The following CSMD1 variants were observed in gnomAD, a reference collection of about 807,000 sequenced individuals.
CSMD1 encodes the protein CUB and sushi domain-containing protein 1.
Under a neutral mutation model 417.5 loss-of-function variants are expected in CSMD1, and 213 were observed. The ratio of observed to expected loss-of-function variants is 0.51; its 90% CI spans 0.46 to 0.57. The LOEUF (loss-of-function observed/expected upper bound fraction) is 0.57, where lower values mean the gene tolerates loss of function less well. Among genes scored for constraint, CSMD1 ranks in the 20% least tolerant of loss-of-function variants. The pLI, the probability that CSMD1 is intolerant of heterozygous loss-of-function variation, is 0.00. For missense variants in CSMD1, 6,923 were observed against 4,529.7 expected (o/e 1.53, Z -15.17); for synonymous variants, 2,862 against 1,736.8 (o/e 1.65, Z -16.11).
At position 4,142,735 on chromosome 8, in the gene CSMD1, T is replaced by C. The variant is rs118085876; in HGVS notation, c.416-110636A>G. Reference sequence around the variant, plus strand: ...CCTAGAGGCCAGACCTGACACAACGTGAGATTACATTGAACTTGCCAATCA... The same window carrying C: ...CCTAGAGGCCAGACCTGACACAACGCGAGATTACATTGAACTTGCCAATCA... On this transcript the variant is annotated intron_variant, in intron 3 of 69. Coordinates refer to ENST00000635120, the MANE Select transcript of CSMD1 (RefSeq NM_033225.6). Among the ~76,000 whole-genome samples the C allele has an allele frequency of 2.0e-5, 3 of 151,052 alleles. 1 individual carries two copies. The highest frequency in any genetic ancestry group is 7.4e-5 in the African/African-American group (3 of 40,408).
chr8:3,428,489 T>C (rs558156457), intron 12 of CSMD1, among the ~76,000 whole-genome samples: 4 of 152,192 alleles, frequency 2.6e-5, no homozygotes, highest in African/African-American at 9.6e-5. Flanking sequence ...CCAAAGAAGG[T>C]ATTCAAATAA....
intron 5 of CSMD1, among the ~76,000 whole-genome samples, chr8:3,780,680 G>C (rs538214016): frequency 6.6e-6 from 1 of 152,322 alleles, no homozygotes; most frequent in Admixed American, 6.5e-5. Context: ...AACCGCTTCA[G>C]TTGTCGGCAG....
At chr8:4,377,188 A>G (rs1018078788) in intron 3 of CSMD1, among the ~76,000 whole-genome samples, 1 of 152,172 alleles carries the variant, frequency 6.6e-6, no homozygotes, top group African/African-American at 2.4e-5. Flanking sequence ...AATTGATTAC[A>G]CATCTTTTGG....
intron 12 of CSMD1, among the ~76,000 whole-genome samples, chr8:3,440,825 C>T (rs916939929): frequency 3.3e-5 from 5 of 152,196 alleles, no homozygotes; most frequent in Admixed American, 6.5e-5. Context: ...AAACTGAGGA[C>T]GACCCATTTC....
At chr8:4,321,356 TG>T (rs1211037127) in intron 3 of CSMD1, among the ~76,000 whole-genome samples, 1 of 152,044 alleles carries the variant, frequency 6.6e-6, no homozygotes, top group East Asian at 1.9e-4. Flanking sequence ...TCTCCCGCGC[TG>T]GCAGTTAAAG....
intron 3 of CSMD1, among the ~76,000 whole-genome samples, chr8:4,060,683 C>T (rs915490468): frequency 1.3e-5 from 2 of 151,994 alleles, no homozygotes; most frequent in African/African-American, 4.8e-5. Flanking sequence ...ATAGATAAGG[C>T]CTGAGAAATG....
chr8:3,194,248 G>C (rs1796577074), intron 33 of CSMD1, among the ~76,000 whole-genome samples: 1 of 151,978 alleles, frequency 6.6e-6, no homozygotes, highest in African/African-American at 2.4e-5. Flanking sequence ...CCTCTAAAAA[G>C]AAGAAGAAAC....
chr8:4,214,367 G>C lies in CSMD1; in HGVS notation c.416-182268C>G, dbSNP rs1800504851. 2.0e-5 allele frequency among the ~76,000 whole-genome samples: 3 copies of C among 152,152 alleles called. 1 individual carries two copies. The South Asian group carries it at 6.2e-4, about 31-fold the overall frequency. On this transcript the variant is annotated intron_variant, in intron 3 of 69. Transcript: ENST00000635120. ...GGCTGGAGTGCAGTGGTGCGATCTT[G>C]GCTCACTGCAACCTCTGCCTCCTGG...
At chr8:3,178,169 T>C (rs569619019) in intron 37 of CSMD1, among the ~76,000 whole-genome samples, 1 of 152,294 alleles carries the variant, frequency 6.6e-6, no homozygotes, top group African/African-American at 2.4e-5. Flanking sequence ...GGAACTGCTT[T>C]TGCTACCATT....
intron 1 of CSMD1, among the ~76,000 whole-genome samples, chr8:4,906,136 A>C (rs1238669889): frequency 6.6e-6 from 1 of 152,176 alleles, no homozygotes; most frequent in Non-Finnish European, 1.5e-5. Flanking sequence ...TCTAGATGCT[A>C]CCTGCACTCT....
chr8:4,125,824 T>C (rs939585028), intron 3 of CSMD1, among the ~76,000 whole-genome samples: 1 of 152,080 alleles, frequency 6.6e-6, no homozygotes, highest in Non-Finnish European at 1.5e-5. Context: ...AAGACCCCCA[T>C]CTTACCTGGT....
chr8:4,277,999 G>T (rs1035931542), intron 3 of CSMD1, among the ~76,000 whole-genome samples: 1 of 152,008 alleles, frequency 6.6e-6, no homozygotes, highest in East Asian at 1.9e-4. Context: ...TCGCCGCCTT[G>T]CCCTCCCAAA....
chr8:4,359,747 T>C (rs990430412), intron 3 of CSMD1, among the ~76,000 whole-genome samples: 13 of 152,180 alleles, frequency 8.5e-5, no homozygotes, highest in African/African-American at 3.1e-4. Flanking sequence ...CACTTCTACA[T>C]TCATTCCAAG....
chr8:3,944,268 C>G, intron 5 of CSMD1, among the ~76,000 whole-genome samples: 1 of 152,042 alleles, frequency 6.6e-6, no homozygotes, highest in Admixed American at 6.6e-5. Context: ...AAAGAGAGAG[C>G]AAAGTAGAGA....
chr8:4,004,155 T>C (rs889880047), intron 4 of CSMD1, among the ~76,000 whole-genome samples: 5 of 152,058 alleles, frequency 3.3e-5, no homozygotes, highest in African/African-American at 9.7e-5. Flanking sequence ...CTAAGAAATA[T>C]AAACATTTTA....
intron 26 of CSMD1, among the ~76,000 whole-genome samples, chr8:3,235,967 G>T (rs1799130721): frequency 7.6e-6 from 1 of 132,136 alleles, no homozygotes; most frequent in African/African-American, 2.8e-5. Context: ...GCCCAGGCTG[G>T]AGTGCAGTGG....
intron 18 of CSMD1, among the ~76,000 whole-genome samples, chr8:3,375,713 C>G (rs1163575148): frequency 2.0e-5 from 3 of 152,212 alleles, no homozygotes; most frequent in South Asian, 2.1e-4. Context: ...TGACCAGCCC[C>G]CATCTCACCC....
At chr8:4,626,106 C>T (rs1461841925) in intron 2 of CSMD1, among the ~76,000 whole-genome samples, 2 of 152,152 alleles carry the variant, frequency 1.3e-5, no homozygotes, top group Non-Finnish European at 2.9e-5. Flanking sequence ...ATGAAAGATT[C>T]ATGTATAGAC....
At chr8:3,645,549 G>A (rs994193616) in intron 7 of CSMD1, among the ~76,000 whole-genome samples, 4 of 152,306 alleles carry the variant, frequency 2.6e-5, no homozygotes, top group South Asian at 4.1e-4. Flanking sequence ...CTGCAGGAGA[G>A]ATCATGGGAA....
Sources: gnomAD v4.1 joint callset for allele counts (sites outside exome capture counted in the v4.1 genomes callset) on GRCh38, gnomAD v4.1.1 for gene constraint, MANE v1.5 for transcripts, NCBI Gene and HGNC (gene_info 2026-07-23, HGNC 2026-07-21) for gene names.